ITGA2: variants seen among roughly 807,000 people sequenced by gnomAD.
The protein encoded by ITGA2 is integrin alpha-2.
Under a neutral mutation model 146.3 loss-of-function variants are expected in ITGA2, and 101 were observed. That is an observed-to-expected ratio of 0.69 (90% CI 0.59 to 0.81). ITGA2 has a LOEUF of 0.81. Among genes scored for constraint, ITGA2 ranks in the 40% least tolerant of loss-of-function variants. The pLI, the probability that ITGA2 is intolerant of heterozygous loss-of-function variation, is 0.00. For missense variants in ITGA2, 1,281 were observed against 1,402.7 expected, an observed-to-expected ratio of 0.91 and a Z score of 1.39; for synonymous variants, 477 against 487.1, an observed-to-expected ratio of 0.98 and a Z score of 0.27.
chr5:53,061,390 T>G (rs1359608902), intron 12 of ITGA2, among the ~76,000 whole-genome samples: 4 of 151,902 alleles, frequency 2.6e-5, no homozygotes, highest in Non-Finnish European at 4.4e-5. Flanking sequence ...GCATGGATAT[T>G]ATTTAGTTGT....
In ITGA2 at chr5:53,060,184, C is replaced by T. The variant is rs141703251; in HGVS notation, c.1312+172C>T. 6.4e-3 allele frequency among the ~76,000 whole-genome samples: 966 copies of T among 151,992 alleles called. 8 individuals carry two copies. The highest frequency in any genetic ancestry group is 0.021 in the African/African-American group (860 of 41,510). ...CCAATCGGGCCTTAAGGCATAACTACTTATTGGAATACTATATTATACTCA... is the reference window on the plus strand; with the variant it reads ...CCAATCGGGCCTTAAGGCATAACTATTTATTGGAATACTATATTATACTCA... On this transcript the variant is annotated intron_variant, in intron 11 of 29. Coordinates refer to ENST00000296585, the MANE Select transcript of ITGA2 (RefSeq NM_002203.4).
Position 53,090,835 on chromosome 5 carries a change from G to GAA in ITGA2, c.*242_*243dup, listed in dbSNP as rs901519225. 1.7e-6 allele frequency: 1 copy of GAA among 594,274 alleles called. No homozygotes were observed. Among genetic ancestry groups the GAA allele is most frequent in the East Asian group, 2.8e-5 (1 of 36,266 alleles). 36.8% of individuals were successfully genotyped at this position (594,274 alleles called of 1,614,324 possible). Reference sequence around the variant, plus strand: ...AAAATACCTATTTTATATGATGGGGGAAAAAAAGTAATCTTTAAACTGGCT... The same window carrying GAA: ...AAAATACCTATTTTATATGATGGGGGAAAAAAAAAGTAATCTTTAAACTGGCT... On this transcript the variant is annotated 3_prime_UTR_variant, in exon 30 of 30. Transcript: ENST00000296585.
intron 1 of ITGA2, chr5:52,990,229 A>C (rs1009665518): frequency 6.6e-6 from 1 of 152,610 alleles, no homozygotes; most frequent in Non-Finnish European, 1.5e-5. Flanking sequence ...ACGAATGTAA[A>C]CTTAGGCTAG....
chr5:52,996,271 A>C (rs1741245281), intron 1 of ITGA2, among the ~76,000 whole-genome samples: 1 of 152,180 alleles, frequency 6.6e-6, no homozygotes, highest in South Asian at 2.1e-4. Flanking sequence ...GTAATGTTTT[A>C]AAATTGCATT....
Position 53,078,873 on chromosome 5 carries a change from A to G in ITGA2, c.2927A>G (p.Lys976Arg). The change falls in exon 24 of 30, where the codon AAG becomes AGG. Residue 976 changes from lysine (K) to arginine (R), a missense_variant and splice_region_variant. By Grantham distance (26) the Lys-to-Arg change is conservative. This residue lies in a region of ITGA2 where 475 missense variants were observed against 530.5 expected (regional missense o/e 0.90). Transcript: ENST00000296585. ...DVGPKFIFSLKVTTGSVPVSM... is the reference protein window; with the variant it reads ...DVGPKFIFSLRVTTGSVPVSM... Reference sequence around the variant, plus strand: ...GGTCCAAAATTCATCTTCTCCCTGAAGGTTGGTAAGCCTGTCATAAGGATG... The same window carrying G: ...GGTCCAAAATTCATCTTCTCCCTGAGGGTTGGTAAGCCTGTCATAAGGATG... The G allele has an allele frequency of 1.3e-6, 2 of 1,573,874 alleles. No homozygotes were observed. Among genetic ancestry groups the G allele is most frequent in the Non-Finnish European group, 1.7e-6 (2 of 1,144,200 alleles).
At chr5:53,025,668 C>T (rs1158689259) in intron 1 of ITGA2, among the ~76,000 whole-genome samples, 1 of 152,196 alleles carries the variant, frequency 6.6e-6, no homozygotes, top group Non-Finnish European at 1.5e-5. Flanking sequence ...TATGAAATAC[C>T]ATGCACTTGC....
intron 1 of ITGA2, 34 bp from the exon 2 acceptor site, chr5:53,026,714 G>A (rs770266029): frequency 1.9e-6 from 3 of 1,570,172 alleles, no homozygotes; most frequent in East Asian, 4.5e-5. Context: ...TTCATGAATT[G>A]TAAATATGTG....
At chr5:53,085,481 C>A (rs1181144347) in intron 27 of ITGA2, among the ~76,000 whole-genome samples, 1 of 152,138 alleles carries the variant, frequency 6.6e-6, no homozygotes, top group Non-Finnish European at 1.5e-5. Context: ...CATCTTTAGT[C>A]TTTGGGGATT....
rs1041057477 is a variant in ITGA2, at chr5:53,091,039, C to T, written c.*440C>T. The T allele has an allele frequency of 8.6e-6, 3 of 348,298 alleles. No homozygotes were observed. Among genetic ancestry groups the T allele is most frequent in the African/African-American group, 6.4e-5 (3 of 46,788 alleles). The allele number at this position is 348,298 out of a possible 1,614,324, so 21.6% of individuals were successfully genotyped here. A position where few individuals can be genotyped will look rare whatever the true frequency, so the allele number is the denominator to read the frequency against. ...GGAAGTGCTTGATATGTAAGTACTT[C>T]CACTTGTGTATATTTTAATGAATAT... On this transcript the variant is annotated 3_prime_UTR_variant, in exon 30 of 30. Transcript: ENST00000296585.
chr5:53,078,828 T>A lies in ITGA2; in HGVS notation c.2882T>A (p.Val961Glu), dbSNP rs757928102. 3.1e-6 allele frequency: 5 copies of A among 1,612,140 alleles called. No homozygotes were observed. In the South Asian group the frequency reaches 5.5e-5, roughly 18 times the overall value. The change falls in exon 24 of 30, where the codon GTG (valine) becomes GAG (glutamate). Residue 961 changes from valine (V) to glutamate (E), a missense_variant. By Grantham distance (121) the Val-to-Glu change is moderately radical (BLOSUM62 -2). Coordinates refer to ENST00000296585, the MANE Select transcript of ITGA2 (RefSeq NM_002203.4). Reference protein sequence around the residue: ...ISSDGNVPSIVHSFEDVGPKF... With the variant: ...ISSDGNVPSIEHSFEDVGPKF... Reference sequence around the variant, plus strand: ...TCGGATGGGAATGTTCCTTCAATCGTGCACAGTTTTGAAGATGTTGGTCCA... The same window carrying A: ...TCGGATGGGAATGTTCCTTCAATCGAGCACAGTTTTGAAGATGTTGGTCCA...
chr5:53,024,570 G>A (rs1253222681), intron 1 of ITGA2, among the ~76,000 whole-genome samples: 2 of 152,156 alleles, frequency 1.3e-5, no homozygotes, highest in African/African-American at 4.8e-5. Flanking sequence ...AGATAATTTT[G>A]GATAATTGCT....
intron 1 of ITGA2, among the ~76,000 whole-genome samples, chr5:53,007,513 G>GA (rs1390134711): frequency 7.5e-4 from 110 of 147,634 alleles, no homozygotes; most frequent in Non-Finnish European, 1.1e-3. Context: ...GGGAGAGAGA[G>GA]AGAAAAAAAA....
chr5:53,026,963 C>T, intron 2 of ITGA2, 95 bp downstream of exon 2: 21 of 1,093,074 alleles, frequency 1.9e-5, no homozygotes, highest in Non-Finnish European at 2.9e-5. Context: ...CCTGACTGTA[C>T]TATAAATGGG....
At position 53,062,942 on chromosome 5, in the gene ITGA2, A is replaced by G. The variant is rs761107237; in HGVS notation, c.1602+13A>G. On this transcript the variant is annotated intron_variant, in intron 13 of 29. Transcript: ENST00000296585. Reference sequence around the variant, plus strand: ...TACTATCAAAGAGGTAAAAAAAAAAAAATAAACTAATAGTTTAATTTGCTT... The same window carrying G: ...TACTATCAAAGAGGTAAAAAAAAAAGAATAAACTAATAGTTTAATTTGCTT... The G allele has an allele frequency of 3.8e-6, 6 of 1,599,872 alleles. No homozygotes were observed. The highest frequency in any genetic ancestry group is 5.1e-6 in the Non-Finnish European group (6 of 1,170,128).
chr5:53,018,472 C>T (rs558093218), intron 1 of ITGA2, among the ~76,000 whole-genome samples: 8 of 152,124 alleles, frequency 5.3e-5, no homozygotes, highest in African/African-American at 1.7e-4. Flanking sequence ...TGGGCAGCCT[C>T]GTGTAGGGCT....
intron 2 of ITGA2, among the ~76,000 whole-genome samples, chr5:53,030,204 T>G (rs1743159062): frequency 6.6e-6 from 1 of 152,232 alleles, no homozygotes; most frequent in African/African-American, 2.4e-5. Context: ...GGATTACCTC[T>G]AAGTATCCAA....
At chr5:53,004,801 C>G (rs993463581) in intron 1 of ITGA2, among the ~76,000 whole-genome samples, 1 of 149,110 alleles carries the variant, frequency 6.7e-6, no homozygotes, top group Non-Finnish European at 1.5e-5. Context: ...TGTTTAAGGA[C>G]TAGAGCCATA....
At chr5:53,012,212 C>T (rs887520866) in intron 1 of ITGA2, among the ~76,000 whole-genome samples, 26 of 152,062 alleles carry the variant, frequency 1.7e-4, no homozygotes, top group African/African-American at 6.0e-4. Context: ...ACTGTACACT[C>T]TTGCTGAGAA....
chr5:53,038,373 G>A (rs960750757), intron 2 of ITGA2, among the ~76,000 whole-genome samples: 4 of 152,134 alleles, frequency 2.6e-5, no homozygotes, highest in Non-Finnish European at 5.9e-5. Context: ...GTTCCTACCT[G>A]TCATTGGGTT....
Sources: gnomAD v4.1 joint callset for allele counts (sites outside exome capture counted in the v4.1 genomes callset) on GRCh38, gnomAD v4.1.1 for gene constraint, gnomAD v4.1.1 regional missense constraint, MANE v1.5 for transcripts, NCBI Gene and HGNC (gene_info 2026-07-23, HGNC 2026-07-21) for gene names.